Variants in NICN1 observed in about 807,000 individuals in gnomAD.
The protein encoded by NICN1 is nicolin 1, tubulin polyglutamylase complex subunit.
Under a neutral mutation model 26.3 loss-of-function variants are expected in NICN1, and 18 were observed. The observed-to-expected ratio is 0.68, with a 90% CI of 0.47 to 1.01. The LOEUF (loss-of-function observed/expected upper bound fraction) is 1.01. Among genes scored for constraint, NICN1 ranks in the 50% least tolerant of loss-of-function variants. The pLI, the probability that NICN1 is intolerant of heterozygous loss-of-function variation, is 0.00. For missense variants in NICN1, 239 were observed against 278.3 expected (o/e 0.86, Z 1.00); for synonymous variants, 109 against 111.0 (o/e 0.98, Z 0.11).
At position 49,426,301 on chromosome 3, in the gene NICN1, G is replaced by A. The variant is rs1229142116; in HGVS notation, c.260C>T (p.Pro87Leu). Residue 87 changes from proline to leucine, a missense_variant, in exon 2 of 6, where the codon CCA (proline) becomes CTA (leucine). Physicochemically the swap from Pro to Leu is moderately conservative, Grantham distance 98. Transcript: ENST00000273598. ...CLRDYCLMPDPHSEEGAQEYV... is the reference protein window; with the variant it reads ...CLRDYCLMPDLHSEEGAQEYV... The stretch of plus-strand genomic sequence containing the variant: ...CTCCTGGGCTCCCTCCTCACTGTGT[G>A]GGTCAGGCATTAGGCAGTAGTCCCG... The A allele has an allele frequency of 6.2e-7, 1 of 1,614,198 alleles. No individual in the cohort carries two copies. The highest frequency in any genetic ancestry group is 8.5e-7 in the Non-Finnish European group (1 of 1,180,036).
In NICN1 at chr3:49,422,565, A is replaced by G. The variant is rs1187967864; in HGVS notation, c.*2268T>C. 3 of 1,200,388 alleles carry G rather than the reference A, an allele frequency of 2.5e-6. No homozygotes were observed. Among genetic ancestry groups the G allele is most frequent in the South Asian group, 2.6e-5 (2 of 77,916 alleles). The allele number at this position is 1,200,388 out of a possible 1,614,324, so 74.4% of individuals were successfully genotyped here. On this transcript the variant is annotated 3_prime_UTR_variant, in exon 6 of 6. Coordinates refer to ENST00000273598, the MANE Select transcript of NICN1 (RefSeq NM_032316.3). ...GTCTCTCTCCGGAGCAAAGGATCTG[A>G]AGGGGGCGTGGGCAGCCCCAAGGGC...
At position 49,424,974 on chromosome 3, in the gene NICN1, G is replaced by A. The variant is rs1323584398; in HGVS notation, c.575C>T (p.Thr192Ile). Residue 192 changes from threonine to isoleucine, a missense_variant, in exon 5 of 6, where the codon ACC becomes ATC. Physicochemically the swap from Thr to Ile is moderately conservative, Grantham distance 89. Coordinates refer to ENST00000273598, the MANE Select transcript of NICN1 (RefSeq NM_032316.3). ...ATCAAAGCGGCCGATCCTTGCGGAG[G>A]TGTGACTGGCCCGGATCATCTCTGT... is the stretch of plus-strand genomic sequence containing the variant. ...ALTEMIRASH[T>I]SARIGRFDVD... The A allele has an allele frequency of 4.3e-6, 7 of 1,614,096 alleles. No homozygotes were observed. The highest frequency in any genetic ancestry group is 5.9e-6 in the Non-Finnish European group (7 of 1,180,002).
chr3:49,425,850 A>G, intron 3 of NICN1, 33 bp downstream of exon 3: 1 of 1,225,518 alleles, frequency 8.2e-7, no homozygotes, highest in Non-Finnish European at 1.2e-6. Flanking sequence ...TTTCTGGGGA[A>G]AGGGCCAGCC....
At position 49,429,095 on chromosome 3, in the gene NICN1, C is replaced by A. The variant is rs772287234; in HGVS notation, c.132+13G>T. The A allele has an allele frequency of 3.1e-6, 5 of 1,589,592 alleles. No individual in the cohort carries two copies. In the Admixed American group the frequency reaches 8.8e-5, roughly 28 times the overall value. On this transcript the variant is annotated intron_variant, in intron 1 of 5. Coordinates refer to ENST00000273598, the MANE Select transcript of NICN1 (RefSeq NM_032316.3). Reference sequence around the variant, plus strand: ...GCCCGGGAGCCTCGGTCGCGCCCACCAGGCTTGCTCACCTCGAAGGGAGCG... The same window carrying A: ...GCCCGGGAGCCTCGGTCGCGCCCACAAGGCTTGCTCACCTCGAAGGGAGCG...
At chr3:49,428,964 T>C in intron 1 of NICN1, 144 bp downstream of exon 1, 1 of 722,348 alleles carries the variant, frequency 1.4e-6, no homozygotes. Flanking sequence ...ACTGAAGGAC[T>C]AAATAAATGA....
rs546983508 is a variant in NICN1 at position 49,429,168 on chromosome 3, G to A, written c.72C>T (p.Ser24=). Reference sequence around the variant, plus strand: ...TGACCAGCACGCCAGGCCGGCCTTGGGAGGTCCGCACGTCGCCCACCTGGA... The same window carrying A: ...TGACCAGCACGCCAGGCCGGCCTTGAGAGGTCCGCACGTCGCCCACCTGGA... ...VALQVGDVRT[S]QGRPGVLVID... is the part of the protein sequence containing the mutation. The change falls in exon 1 of 6, where the codon TCC becomes TCT. Residue 24 remains serine (S), a synonymous_variant. Transcript: ENST00000273598. 1.2e-6 allele frequency: 2 copies of A among 1,611,560 alleles called. No homozygotes were observed. Among genetic ancestry groups the A allele is most frequent in the African/African-American group, 2.7e-5 (2 of 74,802 alleles).
At position 49,425,927 on chromosome 3, in the gene NICN1, A is replaced by T. The variant is rs2049165720; in HGVS notation, c.379T>A (p.Ser127Thr). 1 of 1,610,594 alleles carries T rather than the reference A, an allele frequency of 6.2e-7. No homozygotes were observed. The change falls in exon 3 of 6, where the codon TCT becomes ACT. Residue 127 changes from serine to threonine, a missense_variant. Transcript: ENST00000273598. ...ILRQPSPLWLSFTVEELQIYQ... is the reference protein window; with the variant it reads ...ILRQPSPLWLTFTVEELQIYQ... Reference sequence around the variant, plus strand: ...ATCTGCAGCTCCTCCACTGTGAAAGACAGCCACAGTGGTGATGGCTGCCGC... The same window carrying T: ...ATCTGCAGCTCCTCCACTGTGAAAGTCAGCCACAGTGGTGATGGCTGCCGC...
chr3:49,425,296 A>C, intron 4 of NICN1, 71 bp downstream of exon 4: 1 of 1,307,630 alleles, frequency 7.6e-7, no homozygotes, highest in Non-Finnish European at 1.1e-6. Context: ...TTTTACAGGA[A>C]GGGGTCTACC....
At chr3:49,427,808 A>G (rs920747731) in intron 1 of NICN1, among the ~76,000 whole-genome samples, 1 of 152,108 alleles carries the variant, frequency 6.6e-6, no homozygotes, top group Non-Finnish European at 1.5e-5. Flanking sequence ...ACCCAAGAAA[A>G]TGTGTTACCA....
At chr3:49,426,073 T>G in intron 2 of NICN1, 77 bp from the exon 3 acceptor site, 1 of 1,150,644 alleles carries the variant, frequency 8.7e-7, no homozygotes. Context: ...TGAGCCAGAA[T>G]GCTGCCCACC....
rs1476386576 is a variant in NICN1, at chr3:49,422,464, G to T, written c.*2369C>A. ...AGCCCTCTGCATCGTCGCCTGCAAC[G>T]AGTGCAGACGGCGCACAGAGGCCAC... is the stretch of plus-strand genomic sequence containing the variant. On this transcript the variant is annotated 3_prime_UTR_variant, in exon 6 of 6. Coordinates refer to ENST00000273598, the MANE Select transcript of NICN1 (RefSeq NM_032316.3). 18 of 1,611,306 alleles carry T rather than the reference G, an allele frequency of 1.1e-5. No individual in the cohort carries two copies. The highest frequency in any genetic ancestry group is 1.2e-5 in the Non-Finnish European group (14 of 1,179,044).
chr3:49,426,881 A>G (rs951269789), intron 1 of NICN1, among the ~76,000 whole-genome samples: 1 of 152,162 alleles, frequency 6.6e-6, no homozygotes, highest in African/African-American at 2.4e-5. Flanking sequence ...CACAGTCTAA[A>G]TGAGTAGGTC....
chr3:49,424,913 G>T (rs781375780), intron 5 of NICN1, 36 bp downstream of exon 5: 2 of 1,612,858 alleles, frequency 1.2e-6, no homozygotes, highest in Admixed American at 3.3e-5. Flanking sequence ...TCTGCTCAGG[G>T]CAAAGCAAGC....
chr3:49,427,958 G>A (rs1389987089), intron 1 of NICN1, among the ~76,000 whole-genome samples: 1 of 152,120 alleles, frequency 6.6e-6, no homozygotes, highest in African/African-American at 2.4e-5. Flanking sequence ...TGAGACAAGA[G>A]AGACAGGGCT....
Position 49,425,999 on chromosome 3 carries a change from G to T in NICN1, c.310-3C>A. 1 of 1,572,426 alleles carries T rather than the reference G, an allele frequency of 6.4e-7. No individual in the cohort carries two copies. Among genetic ancestry groups the T allele is most frequent in the Non-Finnish European group, 8.7e-7 (1 of 1,143,954 alleles). Reference sequence around the variant, plus strand: ...ATTCTAGCCATGTCACACAGCATCTGACACACACACACAAGGACCCAGCAA... The same window carrying T: ...ATTCTAGCCATGTCACACAGCATCTTACACACACACACAAGGACCCAGCAA... On this transcript the variant is annotated splice_region_variant and splice_polypyrimidine_tract_variant and intron_variant, in intron 2 of 5. Coordinates refer to ENST00000273598, the MANE Select transcript of NICN1 (RefSeq NM_032316.3).
chr3:49,427,925 C>A (rs938292326), intron 1 of NICN1, among the ~76,000 whole-genome samples: 11 of 152,188 alleles, frequency 7.2e-5, no homozygotes, highest in Non-Finnish European at 1.2e-4. Context: ...GGGGGAGAAC[C>A]ACACACCACA....
intron 1 of NICN1, among the ~76,000 whole-genome samples, chr3:49,428,633 A>G (rs1391819607): frequency 6.6e-6 from 1 of 151,596 alleles, no homozygotes; most frequent in African/African-American, 2.4e-5. Context: ...AGGCAGGAGA[A>G]GCGCTTGAAC....
At chr3:49,426,049 C>T (rs918416041) in intron 2 of NICN1, 53 bp from the exon 3 acceptor site, 24 of 1,299,930 alleles carry the variant, frequency 1.8e-5, no homozygotes, top group Non-Finnish European at 2.4e-5. Flanking sequence ...GCCCAGAAGC[C>T]TCCCAACCAG....
Position 49,424,647 on chromosome 3 carries a change from T to C in NICN1, c.*186A>G, listed in dbSNP as rs1262004915. ...GCCAGGCGAAGACAGAGCACCCCCATGCCAGGAGCTCATGCTGAAGTAACA... is the reference window on the plus strand; with the variant it reads ...GCCAGGCGAAGACAGAGCACCCCCACGCCAGGAGCTCATGCTGAAGTAACA... On this transcript the variant is annotated 3_prime_UTR_variant, in exon 6 of 6. Coordinates refer to ENST00000273598, the MANE Select transcript of NICN1 (RefSeq NM_032316.3). The C allele has an allele frequency of 1.6e-6, 1 of 629,552 alleles. No individual in the cohort carries two copies. Among genetic ancestry groups the C allele is most frequent in the Non-Finnish European group, 2.9e-6 (1 of 350,722 alleles). 39.0% of individuals were successfully genotyped at this position (629,552 alleles called of 1,614,324 possible).
Sources: allele counts gnomAD v4.1 joint callset (sites outside exome capture counted in the v4.1 genomes callset), GRCh38; gene constraint gnomAD v4.1.1; transcripts MANE v1.5; gene names NCBI Gene and HGNC (gene_info 2026-07-23, HGNC 2026-07-21).